NME7: variants seen among roughly 807,000 people sequenced by gnomAD.
NME7 encodes the protein NME/NM23 family member 7.
Under a neutral mutation model 49.1 loss-of-function variants are expected in NME7, and 41 were observed. That is an observed-to-expected ratio of 0.83 (90% CI 0.65 to 1.08). The LOEUF (loss-of-function observed/expected upper bound fraction) is 1.08. Among genes scored for constraint, NME7 ranks in the 50% least tolerant of loss-of-function variants. The probability of loss-of-function intolerance (pLI) is 0.00; values close to 1 mark genes in which losing one functional copy is unlikely to be tolerated. For missense variants in NME7, 423 were observed against 463.4 expected, an observed-to-expected ratio of 0.91 and a Z score of 0.80; for synonymous variants, 139 against 150.6, an observed-to-expected ratio of 0.92 and a Z score of 0.56.
intron 11 of NME7, among the ~76,000 whole-genome samples, chr1:169,146,112 G>C (rs1489457145): frequency 6.6e-6 from 1 of 152,088 alleles, no homozygotes; most frequent in Non-Finnish European, 1.5e-5. Context: ...AGAGTCCCCA[G>C]TGTCTATTAT....
chr1:169,361,984 G>A (rs1163979018), intron 1 of NME7, among the ~76,000 whole-genome samples: 1 of 152,024 alleles, frequency 6.6e-6, no homozygotes, highest in African/African-American at 2.4e-5. Context: ...GAGGCAAGTG[G>A]ATCACTTGAG....
intron 11 of NME7, among the ~76,000 whole-genome samples, chr1:169,146,786 G>T (rs1298245384): frequency 6.6e-6 from 1 of 152,150 alleles, no homozygotes; most frequent in Non-Finnish European, 1.5e-5. Flanking sequence ...CCCTCAAGGA[G>T]TTCACACTAA....
intron 6 of NME7, among the ~76,000 whole-genome samples, chr1:169,290,241 A>G (rs1650445150): frequency 6.6e-6 from 1 of 152,226 alleles, no homozygotes; most frequent in South Asian, 2.1e-4. Context: ...GCCAGTTAAA[A>G]GTTTCTCCAA....
At chr1:169,280,105 C>G (rs1558020233) in intron 7 of NME7, among the ~76,000 whole-genome samples, 1 of 152,120 alleles carries the variant, frequency 6.6e-6, no homozygotes, top group Non-Finnish European at 1.5e-5. Context: ...CCCATTTTTC[C>G]ACAACCTCTC....
chr1:169,134,417 C>G (rs576213201), intron 11 of NME7, among the ~76,000 whole-genome samples: 3 of 152,266 alleles, frequency 2.0e-5, no homozygotes, highest in East Asian at 3.9e-4. Flanking sequence ...GGTTTTCACA[C>G]AAGTCCTGTC....
chr1:169,325,415 T>C (rs1652024159), intron 1 of NME7, among the ~76,000 whole-genome samples: 1 of 152,086 alleles, frequency 6.6e-6, no homozygotes, highest in East Asian at 1.9e-4. Context: ...CTTGGTCACT[T>C]AGGTTGCCTG....
At chr1:169,268,987 T>C (rs1649405863) in intron 7 of NME7, among the ~76,000 whole-genome samples, 1 of 133,852 alleles carries the variant, frequency 7.5e-6, no homozygotes, top group South Asian at 2.3e-4. Flanking sequence ...TTAAAAAATA[T>C]TTTAGGATAG....
intron 1 of NME7, among the ~76,000 whole-genome samples, chr1:169,341,280 G>C (rs1348670791): frequency 6.6e-6 from 1 of 152,196 alleles, no homozygotes; most frequent in Non-Finnish European, 1.5e-5. Context: ...TGCTTTAAAG[G>C]GTGCAAGCCC....
At chr1:169,170,886 A>G (rs1209636710) in intron 10 of NME7, among the ~76,000 whole-genome samples, 1 of 152,036 alleles carries the variant, frequency 6.6e-6, no homozygotes, top group African/African-American at 2.4e-5. Flanking sequence ...GAGACTGTGC[A>G]TTGCACTCCA....
At chr1:169,292,630 G>C (rs1388046571) in intron 6 of NME7, among the ~76,000 whole-genome samples, 1 of 152,140 alleles carries the variant, frequency 6.6e-6, no homozygotes, top group African/African-American at 2.4e-5. Flanking sequence ...CAGATCACTG[G>C]AACGCCTTGG....
At chr1:169,204,876 G>T (rs73035348) in intron 10 of NME7, among the ~76,000 whole-genome samples, 3,875 of 151,894 alleles carry the variant, frequency 0.026, 140 homozygotes, top group African/African-American at 0.087. Flanking sequence ...TGTTCTTTGG[G>T]CAAGCTTAGT....
intron 10 of NME7, among the ~76,000 whole-genome samples, chr1:169,176,694 C>A (rs1004624378): frequency 6.6e-6 from 1 of 151,774 alleles, no homozygotes; most frequent in Non-Finnish European, 1.5e-5. Flanking sequence ...TTATTTGACA[C>A]AGGTGTTACT....
At chr1:169,364,090 C>CT (rs1427460639) in intron 1 of NME7, among the ~76,000 whole-genome samples, 1 of 152,218 alleles carries the variant, frequency 6.6e-6, no homozygotes, top group Admixed American at 6.5e-5. Context: ...AATTTGCCCC[C>CT]TATTACTTTG....
At chr1:169,318,659 T>A (rs1053768062) in intron 3 of NME7, among the ~76,000 whole-genome samples, 1 of 152,166 alleles carries the variant, frequency 6.6e-6, no homozygotes, top group Non-Finnish European at 1.5e-5. Flanking sequence ...ATGGAAACGT[T>A]CAGGAAAAAG....
intron 1 of NME7, among the ~76,000 whole-genome samples, chr1:169,343,892 T>C (rs1006871187): frequency 6.6e-6 from 1 of 152,226 alleles, no homozygotes; most frequent in African/African-American, 2.4e-5. Flanking sequence ...CCTTGGCTAA[T>C]CTGGGCCCTT....
chr1:169,229,717 T>C (rs903739398), intron 10 of NME7, among the ~76,000 whole-genome samples: 1 of 152,090 alleles, frequency 6.6e-6, no homozygotes, highest in African/African-American at 2.4e-5. Flanking sequence ...TCTCAACACT[T>C]TGGGAGGCCG....
chr1:169,162,680 C>CA lies in NME7; in HGVS notation c.1098+6766dup, dbSNP rs200721559. Among the ~76,000 whole-genome samples the CA allele has an allele frequency of 6.9e-3, 1,037 of 149,388 alleles. 9 individuals carry two copies. Among genetic ancestry groups the CA allele is most frequent in the Middle Eastern group, 0.017 (5 of 292 alleles). On this transcript the variant is annotated intron_variant, in intron 11 of 11. Transcript: ENST00000367811. ...GCAACACGATGAGACCCCATCTTTA[C>CA]AAAAAAAAAATTATTTGGGCATGGT...
intron 3 of NME7, among the ~76,000 whole-genome samples, chr1:169,316,434 T>C (rs1651629473): frequency 6.6e-6 from 1 of 152,052 alleles, no homozygotes; most frequent in Admixed American, 6.5e-5. Context: ...ACAGAGAATA[T>C]AGTAGGCAGA....
chr1:169,327,303 A>G (rs992169249), intron 1 of NME7, among the ~76,000 whole-genome samples: 10 of 152,238 alleles, frequency 6.6e-5, no homozygotes, highest in African/African-American at 2.4e-4. Flanking sequence ...AGGAACATTT[A>G]AAGATTACAC....
Sources: allele counts gnomAD v4.1 joint callset (sites outside exome capture counted in the v4.1 genomes callset), GRCh38; gene constraint gnomAD v4.1.1; transcripts MANE v1.5; gene names NCBI Gene and HGNC (gene_info 2026-07-23, HGNC 2026-07-21).